Variants in CLASP2 observed in about 807,000 individuals in gnomAD.
CLASP2 encodes CLIP-associating protein 2.
CLASP2 carries 47 observed loss-of-function variants against 194.4 expected under a neutral mutation model. The ratio of observed to expected loss-of-function variants is 0.24; its 90% CI spans 0.19 to 0.31. CLASP2 has a LOEUF of 0.31. CLASP2 is among the 10% of genes least tolerant of loss of function. The pLI is 1.00. For missense variants in CLASP2, 1,445 were observed against 1,823.6 expected (o/e 0.79, Z 3.78); for synonymous variants, 619 against 633.5 (o/e 0.98, Z 0.34).
chr3:33,551,283 G>A lies in CLASP2; in HGVS notation c.3122C>T (p.Thr1041Ile). ...AACATCAGAACTTTTGGGTTCTGTT[G>A]TCCAAGTGATGACCCGAGACACTGC... ...RLAVSRVITW[T>I]TEPKSSDVRK... Residue 1041 changes from threonine (T) to isoleucine (I), a missense_variant, in exon 30 of 39, where the codon ACA (threonine) becomes ATA (isoleucine). Physicochemically the swap from Thr to Ile is moderately conservative, Grantham distance 89. Coordinates refer to ENST00000682230, the MANE Select transcript of CLASP2 (RefSeq NM_001365631.1). 1.9e-6 allele frequency: 3 copies of A among 1,613,404 alleles called. No homozygotes were observed. Among genetic ancestry groups the A allele is most frequent in the Non-Finnish European group, 2.5e-6 (3 of 1,179,634 alleles).
chr3:33,540,640 G>A (rs1384417424), intron 32 of CLASP2, among the ~76,000 whole-genome samples: 1 of 152,052 alleles, frequency 6.6e-6, no homozygotes, highest in East Asian at 1.9e-4. Flanking sequence ...GAAAAAATAG[G>A]CTAGGAAATG....
At chr3:33,671,468 T>C (rs1320807323) in intron 6 of CLASP2, among the ~76,000 whole-genome samples, 1 of 152,170 alleles carries the variant, frequency 6.6e-6, no homozygotes, top group Non-Finnish European at 1.5e-5. Context: ...GGAGCCAAGA[T>C]GGCCGAATAG....
intron 23 of CLASP2, among the ~76,000 whole-genome samples, chr3:33,576,649 A>G (rs1291783209): frequency 6.6e-6 from 1 of 152,120 alleles, no homozygotes; most frequent in Admixed American, 6.5e-5. Context: ...TCAATCCTCA[A>G]CCAATAGTGG....
At chr3:33,601,356 T>G (rs773931435) in intron 18 of CLASP2, among the ~76,000 whole-genome samples, 17 of 152,224 alleles carry the variant, frequency 1.1e-4, no homozygotes, top group Non-Finnish European at 2.4e-4. Flanking sequence ...TGTTTGATTA[T>G]AGCTAAGGTT....
At chr3:33,612,938 T>C (rs561665883) in intron 12 of CLASP2, among the ~76,000 whole-genome samples, 4 of 152,062 alleles carry the variant, frequency 2.6e-5, no homozygotes, top group Non-Finnish European at 4.4e-5. Context: ...AGGTATAGAG[T>C]TAGAACAATA....
At chr3:33,657,633 A>G (rs982621028) in intron 7 of CLASP2, among the ~76,000 whole-genome samples, 2 of 152,068 alleles carry the variant, frequency 1.3e-5, no homozygotes, top group Admixed American at 6.5e-5. Flanking sequence ...GCCCTTAAGT[A>G]TATGAGAACT....
intron 1 of CLASP2, among the ~76,000 whole-genome samples, chr3:33,710,101 C>T (rs2092926211): frequency 6.6e-6 from 1 of 152,106 alleles, no homozygotes; most frequent in African/African-American, 2.4e-5. Flanking sequence ...TTACTGTCTA[C>T]CTTTACGTAT....
intron 32 of CLASP2, among the ~76,000 whole-genome samples, chr3:33,540,914 C>T (rs1347019688): frequency 2.0e-5 from 3 of 151,918 alleles, no homozygotes; most frequent in Admixed American, 6.6e-5. Context: ...CTGGAACTAC[C>T]GGCATGCACC....
intron 5 of CLASP2, among the ~76,000 whole-genome samples, chr3:33,686,772 G>A (rs192286632): frequency 2.0e-5 from 3 of 152,302 alleles, no homozygotes; most frequent in Admixed American, 6.5e-5. Context: ...CAGGTAGACT[G>A]TAGCAGGGAA....
chr3:33,686,981 T>G, intron 5 of CLASP2, 79 bp downstream of exon 5: 1 of 796,126 alleles, frequency 1.3e-6, no homozygotes, highest in Non-Finnish European at 2.0e-6. Flanking sequence ...CTCTTCTTTT[T>G]TAAAAATAGA....
chr3:33,602,366 T>C (rs896497722), intron 18 of CLASP2: 17 of 605,572 alleles, frequency 2.8e-5, no homozygotes, highest in Middle Eastern at 4.1e-4. Context: ...TCAACCTGTA[T>C]TGTGTTCTGG....
chr3:33,662,678 C>A (rs2085483080), intron 7 of CLASP2, among the ~76,000 whole-genome samples: 1 of 152,124 alleles, frequency 6.6e-6, no homozygotes, highest in African/African-American at 2.4e-5. Flanking sequence ...AATTTTTACT[C>A]CAACATCATT....
Position 33,627,059 on chromosome 3 carries a change from C to T in CLASP2, c.964G>A (p.Glu322Lys), listed in dbSNP as rs1305930247. Residue 322 changes from glutamate to lysine, a missense_variant, in exon 10 of 39, where the codon GAA (glutamate) becomes AAA (lysine). Glu to Lys is a moderately conservative substitution (Grantham distance 56, BLOSUM62 1). Coordinates refer to ENST00000682230, the MANE Select transcript of CLASP2 (RefSeq NM_001365631.1). ...SIQIYSSREL[E>K]ETLNKIREIL... ...TCCCTGATTTTATTTAATGTTTCTT[C>T]GAGTTCTCGACTAGAATAAATCTTA... 1 of 1,567,830 alleles carries T rather than the reference C, an allele frequency of 6.4e-7. No individual in the cohort carries two copies. Among genetic ancestry groups the T allele is most frequent in the Non-Finnish European group, 8.7e-7 (1 of 1,148,094 alleles).
intron 7 of CLASP2, among the ~76,000 whole-genome samples, chr3:33,657,064 GT>G (rs2084370625): frequency 6.6e-6 from 1 of 152,040 alleles, no homozygotes; most frequent in South Asian, 2.1e-4. Flanking sequence ...TACCTTCATT[GT>G]TTGAATTTTG....
At chr3:33,677,017 C>T (rs1280781064) in intron 6 of CLASP2, among the ~76,000 whole-genome samples, 1 of 152,094 alleles carries the variant, frequency 6.6e-6, no homozygotes, top group Non-Finnish European at 1.5e-5. Context: ...TCATCTCACA[C>T]CAGTTAGAAT....
At chr3:33,525,556 T>C (rs2054306454) in intron 34 of CLASP2, among the ~76,000 whole-genome samples, 2 of 152,058 alleles carry the variant, frequency 1.3e-5, no homozygotes, top group Non-Finnish European at 2.9e-5. Context: ...AGTGAATATG[T>C]GACTCCAGGG....
intron 26 of CLASP2, among the ~76,000 whole-genome samples, chr3:33,569,304 T>C (rs2063335873): frequency 6.6e-6 from 1 of 152,188 alleles, no homozygotes; most frequent in Admixed American, 6.5e-5. Flanking sequence ...CAAACTGCAT[T>C]ACTGACTTAA....
chr3:33,506,736 T>A (rs909803531), intron 37 of CLASP2, among the ~76,000 whole-genome samples: 3 of 152,164 alleles, frequency 2.0e-5, no homozygotes, highest in Non-Finnish European at 4.4e-5. Context: ...TCACATTTAT[T>A]AAAAATACTC....
At chr3:33,565,010 C>T (rs182420207) in intron 27 of CLASP2, among the ~76,000 whole-genome samples, 1 of 152,268 alleles carries the variant, frequency 6.6e-6, no homozygotes, top group Admixed American at 6.5e-5. Context: ...GGTCCACTTA[C>T]ACGTGGATTT....
Sources: gnomAD v4.1 joint callset for allele counts (sites outside exome capture counted in the v4.1 genomes callset) on GRCh38, gnomAD v4.1.1 for gene constraint, MANE v1.5 for transcripts, NCBI Gene and HGNC (gene_info 2026-07-23, HGNC 2026-07-21) for gene names.